The following FANCC variants were observed in gnomAD, a reference collection of about 807,000 sequenced individuals.
FANCC encodes the protein FA complementation group C.
FANCC carries 55 observed loss-of-function variants against 71.3 expected under a neutral mutation model. The ratio of observed to expected loss-of-function variants is 0.77; its 90% CI spans 0.62 to 0.97. The LOEUF (loss-of-function observed/expected upper bound fraction) is 0.97. FANCC is among the 50% of genes least tolerant of loss of function. The pLI is 0.00. For synonymous variants in FANCC, 275 were observed against 244.9 expected, an observed-to-expected ratio of 1.12 and a Z score of -1.15; for missense variants, 678 against 670.9, an observed-to-expected ratio of 1.01 and a Z score of -0.12.
At chr9:95,149,544 T>C (rs2135421043) in intron 7 of FANCC, among the ~76,000 whole-genome samples, 1 of 152,020 alleles carries the variant, frequency 6.6e-6, no homozygotes, top group South Asian at 2.1e-4. Context: ...AGTGGCACAA[T>C]CTCGGCTCAC....
At position 95,316,199 on chromosome 9, in the gene FANCC, A is replaced by T. The variant is rs762966992; in HGVS notation, c.-79+1327T>A. Among the ~76,000 whole-genome samples the T allele has an allele frequency of 2.6e-5, 4 of 152,224 alleles. 1 individual carries two copies. Among genetic ancestry groups the T allele is most frequent in the Admixed American group, 2.6e-4 (4 of 15,288 alleles). On this transcript the variant is annotated intron_variant, in intron 1 of 14. Transcript: ENST00000289081. The stretch of plus-strand genomic sequence containing the variant: ...TGGGAGTAGTGGGTTGGTGAAAAAG[A>T]TCTCTGATATATCTAGGAAAACAAA...
At chr9:95,268,224 T>A (rs550703249) in intron 1 of FANCC, among the ~76,000 whole-genome samples, 3 of 152,270 alleles carry the variant, frequency 2.0e-5, no homozygotes, top group Non-Finnish European at 4.4e-5. Flanking sequence ...TTGTAATAGA[T>A]AACTCACTCT....
intron 4 of FANCC, among the ~76,000 whole-genome samples, chr9:95,193,648 T>C (rs987310705): frequency 1.3e-5 from 2 of 152,172 alleles, no homozygotes; most frequent in Non-Finnish European, 2.9e-5. Flanking sequence ...CATTGGAAAC[T>C]GAGATACTAC....
intron 4 of FANCC, among the ~76,000 whole-genome samples, chr9:95,239,388 A>C (rs1463315503): frequency 4.6e-5 from 7 of 152,246 alleles, no homozygotes; most frequent in Non-Finnish European, 1.0e-4. Context: ...ATGTGAGGCT[A>C]GAAATTTTTA....
chr9:95,240,598 T>A lies in FANCC; in HGVS notation c.345+51A>T, dbSNP rs915606058. 5.6e-6 allele frequency: 8 copies of A among 1,434,394 alleles called. No individual in the cohort carries two copies. In the African/African-American group the frequency reaches 8.4e-5, roughly 15 times the overall value. 88.9% of individuals were successfully genotyped at this position (1,434,394 alleles called of 1,614,324 possible). A position where few individuals can be genotyped will look rare whatever the true frequency, so the allele number is the denominator to read the frequency against. On this transcript the variant is annotated intron_variant, in intron 4 of 14. Coordinates refer to ENST00000289081, the MANE Select transcript of FANCC (RefSeq NM_000136.3). ...CCAAAATTTTTTTAAGCAGCACTTT[T>A]AAATAATCAATTTAATTCAAAGAAG...
intron 6 of FANCC, among the ~76,000 whole-genome samples, chr9:95,158,784 C>T (rs1327437663): frequency 1.3e-5 from 2 of 152,112 alleles, no homozygotes; most frequent in Non-Finnish European, 2.9e-5. Flanking sequence ...TGGTCTCTGC[C>T]CGAGGGATGT....
chr9:95,296,137 AATC>A (rs1351263705), intron 1 of FANCC, among the ~76,000 whole-genome samples: 2 of 152,240 alleles, frequency 1.3e-5, no homozygotes, highest in African/African-American at 4.8e-5. Flanking sequence ...TTTATATATC[AATC>A]ATATCTCAAT....
chr9:95,161,970 T>C (rs1476236450), intron 6 of FANCC, among the ~76,000 whole-genome samples: 1 of 152,016 alleles, frequency 6.6e-6, no homozygotes, highest in South Asian at 2.1e-4. Flanking sequence ...GCCTCCTGGG[T>C]AGCCAGGATT....
chr9:95,316,578 C>A (rs1189148326), intron 1 of FANCC, among the ~76,000 whole-genome samples: 1 of 152,122 alleles, frequency 6.6e-6, no homozygotes, highest in African/African-American at 2.4e-5. Flanking sequence ...TTAAATGGGG[C>A]ACAAGTTAGA....
chr9:95,280,158 C>A (rs982159268), intron 1 of FANCC, among the ~76,000 whole-genome samples: 4 of 151,066 alleles, frequency 2.6e-5, no homozygotes, highest in Non-Finnish European at 5.9e-5. Flanking sequence ...TTAAAAAAAA[C>A]AAATTTTAAA....
chr9:95,276,646 C>A (rs1053369990), intron 1 of FANCC, among the ~76,000 whole-genome samples: 2 of 152,166 alleles, frequency 1.3e-5, no homozygotes, highest in Non-Finnish European at 1.5e-5. Context: ...ACGACAACAA[C>A]AAAAATCAAA....
At chr9:95,104,133 T>C (rs2071262216) in intron 14 of FANCC, among the ~76,000 whole-genome samples, 1 of 152,142 alleles carries the variant, frequency 6.6e-6, no homozygotes, top group African/African-American at 2.4e-5. Flanking sequence ...GCAGAGGAAC[T>C]GACAAAGGCC....
intron 6 of FANCC, among the ~76,000 whole-genome samples, chr9:95,151,822 G>A (rs866599620): frequency 3.9e-5 from 6 of 151,992 alleles, no homozygotes; most frequent in Non-Finnish European, 8.8e-5. Flanking sequence ...AGCTACTCGG[G>A]GGGGCGGAGG....
intron 1 of FANCC, among the ~76,000 whole-genome samples, chr9:95,287,158 A>G (rs1479553210): frequency 1.3e-5 from 2 of 152,142 alleles, no homozygotes; most frequent in South Asian, 2.1e-4. Flanking sequence ...TCTTGCCCAA[A>G]TATCTTGCCC....
At chr9:95,200,377 G>T (rs749257560) in intron 4 of FANCC, among the ~76,000 whole-genome samples, 12 of 152,194 alleles carry the variant, frequency 7.9e-5, no homozygotes, top group Non-Finnish European at 1.6e-4. Context: ...ATTAATTGGG[G>T]TAAGTCTCAT....
At chr9:95,172,265 G>GT in intron 4 of FANCC, 118 bp from the exon 5 acceptor site, 1 of 629,652 alleles carries the variant, frequency 1.6e-6, no homozygotes, top group Non-Finnish European at 2.8e-6. Context: ...AAAAAAATCT[G>GT]TTTGTCAAAG....
At chr9:95,240,127 T>A (rs1239064642) in intron 4 of FANCC, among the ~76,000 whole-genome samples, 1 of 152,124 alleles carries the variant, frequency 6.6e-6, no homozygotes, top group East Asian at 1.9e-4. Context: ...GGTAGCCAAC[T>A]GGAAAGTGTG....
chr9:95,235,366 A>G (rs1457251672), intron 4 of FANCC, among the ~76,000 whole-genome samples: 1 of 152,244 alleles, frequency 6.6e-6, no homozygotes, highest in Non-Finnish European at 1.5e-5. Context: ...ATGATTTTCA[A>G]TAACGGTGTC....
intron 1 of FANCC, among the ~76,000 whole-genome samples, chr9:95,305,953 C>T (rs943100254): frequency 6.6e-6 from 1 of 152,092 alleles, no homozygotes; most frequent in Non-Finnish European, 1.5e-5. Flanking sequence ...AATTGTTTAA[C>T]CTGAGGTTTT....
Sources: allele counts gnomAD v4.1 joint callset (sites outside exome capture counted in the v4.1 genomes callset), GRCh38; gene constraint gnomAD v4.1.1; transcripts MANE v1.5; gene names NCBI Gene and HGNC (gene_info 2026-07-23, HGNC 2026-07-21).